Variants in KCTD16 observed in about 807,000 individuals in gnomAD.
KCTD16 encodes the protein potassium channel tetramerization domain containing 16, also known as BTB/POZ domain-containing protein KCTD16.
Under a neutral mutation model 33.2 loss-of-function variants are expected in KCTD16, and 13 were observed. That is an observed-to-expected ratio of 0.39 (90% CI 0.25 to 0.62). KCTD16 has a LOEUF of 0.62. Ranked by LOEUF, KCTD16 falls within the 20% of genes least tolerant of loss-of-function variation. The pLI, the probability that KCTD16 is intolerant of heterozygous loss-of-function variation, is 0.50. For synonymous variants in KCTD16, 197 were observed against 195.3 expected (o/e 1.01, Z -0.07); for missense variants, 441 against 525.1 (o/e 0.84, Z 1.57).
rs746155133 is a variant in KCTD16 at position 144,473,685 on chromosome 5, A to T, written c.858A>T (p.Ser286=). ...FYREPSRWSP[S]HCDCCCKNGK... ...GTGAGCCTTCCAGATGGTCACCCTC[A>T]CACTGCGATTGCTGCTGCAAGAATG... The change falls in exon 4 of 4, where the codon TCA becomes TCT. Residue 286 remains serine, a synonymous_variant. Transcript: ENST00000512467. The T allele has an allele frequency of 3.1e-6, 5 of 1,606,424 alleles. No homozygotes were observed. The highest frequency in any genetic ancestry group is 3.4e-6 in the Non-Finnish European group (4 of 1,174,168).
intron 3 of KCTD16, among the ~76,000 whole-genome samples, chr5:144,318,826 G>A (rs901218395): frequency 7.9e-5 from 12 of 152,052 alleles, no homozygotes; most frequent in Non-Finnish European, 1.6e-4. Flanking sequence ...CACCTCATGG[G>A]TTTACATGGT....
At chr5:144,387,620 A>G (rs1752353679) in intron 3 of KCTD16, among the ~76,000 whole-genome samples, 1 of 152,202 alleles carries the variant, frequency 6.6e-6, no homozygotes, top group Non-Finnish European at 1.5e-5. Context: ...AGTTGTGCAT[A>G]AGCCCCAGGC....
intron 3 of KCTD16, among the ~76,000 whole-genome samples, chr5:144,281,226 A>G (rs1561552422): frequency 1.3e-5 from 2 of 152,126 alleles, no homozygotes; most frequent in Non-Finnish European, 2.9e-5. Flanking sequence ...TTTACTTCCT[A>G]CTAATTAGTT....
intron 3 of KCTD16, among the ~76,000 whole-genome samples, chr5:144,341,518 A>G (rs1304919355): frequency 6.6e-6 from 1 of 152,230 alleles, no homozygotes; most frequent in African/African-American, 2.4e-5. Context: ...CTCAGTAAAG[A>G]TCTGAACATC....
chr5:144,348,204 T>C (rs1752855405), intron 3 of KCTD16, among the ~76,000 whole-genome samples: 1 of 152,204 alleles, frequency 6.6e-6, no homozygotes, highest in African/African-American at 2.4e-5. Context: ...CTTCAGCATC[T>C]CCCACAAGGC....
At chr5:144,432,054 G>A (rs972381740) in intron 3 of KCTD16, among the ~76,000 whole-genome samples, 3 of 152,244 alleles carry the variant, frequency 2.0e-5, no homozygotes, top group Admixed American at 6.5e-5. Flanking sequence ...AATAGATGAT[G>A]TGGTACTTTC....
intron 3 of KCTD16, among the ~76,000 whole-genome samples, chr5:144,403,795 C>T (rs1752755898): frequency 6.6e-6 from 1 of 152,176 alleles, no homozygotes; most frequent in African/African-American, 2.4e-5. Context: ...CCTCCCTCCC[C>T]AACTCTTCCC....
At chr5:144,302,224 A>G (rs572830952) in intron 3 of KCTD16, among the ~76,000 whole-genome samples, 2 of 152,330 alleles carry the variant, frequency 1.3e-5, no homozygotes, top group South Asian at 2.1e-4. Context: ...ACAGTGGTCA[A>G]GTGTCTTCAA....
chr5:144,277,792 T>G (rs1317606025), intron 3 of KCTD16, among the ~76,000 whole-genome samples: 4 of 152,228 alleles, frequency 2.6e-5, no homozygotes, highest in Non-Finnish European at 5.9e-5. Context: ...GTTAAGCATC[T>G]TTCATGTACT....
intron 3 of KCTD16, among the ~76,000 whole-genome samples, chr5:144,279,652 G>C (rs1179992389): frequency 6.6e-6 from 1 of 152,208 alleles, no homozygotes; most frequent in African/African-American, 2.4e-5. Context: ...GAGAGTGTGA[G>C]AGCAAACAAG....
chr5:144,420,364 C>T (rs112262198), intron 3 of KCTD16, among the ~76,000 whole-genome samples: 8,129 of 152,108 alleles, frequency 0.053, 753 homozygotes, highest in African/African-American at 0.19. Context: ...ATGTAACAAA[C>T]CTGCACGTTG....
intron 2 of KCTD16, among the ~76,000 whole-genome samples, chr5:144,201,870 T>C (rs1003587156): frequency 6.6e-6 from 1 of 152,212 alleles, no homozygotes; most frequent in Non-Finnish European, 1.5e-5. Context: ...TCCTCCCTGA[T>C]AGCGAAGGCT....
intron 3 of KCTD16, among the ~76,000 whole-genome samples, chr5:144,362,707 G>A (rs376476435): frequency 2.4e-4 from 37 of 152,236 alleles, no homozygotes; most frequent in African/African-American, 8.2e-4. Context: ...AGTTAGTTTA[G>A]GGTGTTGGTG....
chr5:144,366,260 T>C (rs566708705), intron 3 of KCTD16, among the ~76,000 whole-genome samples: 1 of 152,292 alleles, frequency 6.6e-6, no homozygotes, highest in East Asian at 1.9e-4. Flanking sequence ...GTCAAAGATA[T>C]GCCTGCTAGA....
At chr5:144,259,150 C>G (rs2126837535) in intron 3 of KCTD16, among the ~76,000 whole-genome samples, 2 of 149,956 alleles carry the variant, frequency 1.3e-5, no homozygotes, top group South Asian at 4.2e-4. Flanking sequence ...CCCAGCTACT[C>G]AGGAGACTGA....
At chr5:144,195,204 C>T (rs1752918465) in intron 2 of KCTD16, among the ~76,000 whole-genome samples, 1 of 152,164 alleles carries the variant, frequency 6.6e-6, no homozygotes, top group South Asian at 2.1e-4. Context: ...GGAATCTCTT[C>T]CTGGAAATTA....
intron 3 of KCTD16, among the ~76,000 whole-genome samples, chr5:144,430,507 C>T (rs1753434411): frequency 6.6e-6 from 1 of 152,082 alleles, no homozygotes. Context: ...GTCAATTCAC[C>T]TCTCTGGACC....
At chr5:144,471,929 C>T (rs919016154) in intron 3 of KCTD16, among the ~76,000 whole-genome samples, 1 of 152,104 alleles carries the variant, frequency 6.6e-6, no homozygotes, top group African/African-American at 2.4e-5. Flanking sequence ...TTTTGTTTTA[C>T]TTTCTCTTAA....
In KCTD16 at chr5:144,483,739, G is replaced by C. The variant is rs2127009200; in HGVS notation, c.*9625G>C. On this transcript the variant is annotated 3_prime_UTR_variant, in exon 4 of 4. Transcript: ENST00000512467. Reference sequence around the variant, plus strand: ...GATTCCCTGCTGCTCCTTGGGATCAGTTTGTATGCACACAAGCCCATGCCT... The same window carrying C: ...GATTCCCTGCTGCTCCTTGGGATCACTTTGTATGCACACAAGCCCATGCCT... 6.6e-6 allele frequency: 1 copy of C among 152,052 alleles called. No homozygotes were observed. 9.4% of individuals were successfully genotyped at this position (152,052 alleles called of 1,614,324 possible). A position where few individuals can be genotyped will look rare whatever the true frequency, so the allele number is the denominator to read the frequency against.
Sources: gnomAD v4.1 joint callset for allele counts (sites outside exome capture counted in the v4.1 genomes callset) on GRCh38, gnomAD v4.1.1 for gene constraint, MANE v1.5 for transcripts, NCBI Gene and HGNC (gene_info 2026-07-23, HGNC 2026-07-21) for gene names.